Variants in KIF6 observed in about 807,000 individuals in gnomAD.
The protein encoded by KIF6 is kinesin-like protein KIF6.
Under a neutral mutation model 112.7 loss-of-function variants are expected in KIF6, and 106 were observed. That is an observed-to-expected ratio of 0.94 (90% CI 0.80 to 1.11). KIF6 has a LOEUF of 1.11. Ranked by LOEUF, KIF6 falls within the 50% of genes least tolerant of loss-of-function variation. The pLI, the probability that KIF6 is intolerant of heterozygous loss-of-function variation, is 0.00. For missense variants in KIF6, 929 were observed against 964.0 expected (o/e 0.96, Z 0.48); for synonymous variants, 339 against 339.9 (o/e 1.00, Z 0.03).
At chr6:39,616,781 G>A (rs1164362236) in intron 5 of KIF6, among the ~76,000 whole-genome samples, 4 of 152,144 alleles carry the variant, frequency 2.6e-5, no homozygotes, top group Admixed American at 6.5e-5. Context: ...TGGGCACTAC[G>A]TCTATTGCCT....
rs147221648 is a variant in KIF6, at chr6:39,515,599, C to T, written c.1645+24404G>A. On this transcript the variant is annotated intron_variant, in intron 13 of 22. Coordinates refer to ENST00000287152, the MANE Select transcript of KIF6 (RefSeq NM_145027.6). ...TCCTAATAGAAAAAGCCATCTCAAA[C>T]ACTTCTCTTATATAGTATGTCTGGT... 9.9e-4 allele frequency among the ~76,000 whole-genome samples: 151 copies of T among 152,316 alleles called. 1 individual carries two copies. The highest frequency in any genetic ancestry group is 1.1e-3 in the Non-Finnish European group (72 of 68,040).
intron 13 of KIF6, among the ~76,000 whole-genome samples, chr6:39,483,264 T>G (rs1490595518): frequency 6.6e-6 from 1 of 152,194 alleles, no homozygotes; most frequent in East Asian, 1.9e-4. Flanking sequence ...TATTTGTTAT[T>G]GCATAAGCTG....
intron 18 of KIF6, among the ~76,000 whole-genome samples, chr6:39,359,411 A>ATTTTGAT (rs1764956544): frequency 2.6e-5 from 4 of 152,228 alleles, no homozygotes; most frequent in Non-Finnish European, 4.4e-5. Flanking sequence ...TTTTGAGTAA[A>ATTTTGAT]AAACTAGAAA....
intron 10 of KIF6, among the ~76,000 whole-genome samples, chr6:39,577,193 C>T (rs370189413): frequency 7.2e-5 from 11 of 152,314 alleles, no homozygotes; most frequent in African/African-American, 2.2e-4. Context: ...GGAGTGAAAG[C>T]TTTGACTATA....
chr6:39,337,203 CTTTCTT>C (rs1763047455), intron 22 of KIF6, among the ~76,000 whole-genome samples: 1 of 93,406 alleles, frequency 1.1e-5, no homozygotes, highest in Non-Finnish European at 1.9e-5. Flanking sequence ...TTCTTTCTTT[CTTTCTT>C]TCTTTCTTTC....
At chr6:39,451,753 T>C (rs1174874403) in intron 13 of KIF6, among the ~76,000 whole-genome samples, 1 of 152,140 alleles carries the variant, frequency 6.6e-6, no homozygotes, top group Non-Finnish European at 1.5e-5. Flanking sequence ...GTGAAATGCA[T>C]GCAGGGCATT....
Position 39,462,972 on chromosome 6 carries a change from CTATTAAGAGTTCCTA to C in KIF6, c.1646-31826_1646-31812del, listed in dbSNP as rs749349076. ...AAACTAAAGCCCTTAGTGAGAAAATCTATTAAGAGTTCCTATATTAACACGTCAAATAGAATGTCT... is the reference window on the plus strand; with the variant it reads ...AAACTAAAGCCCTTAGTGAGAAAATCTATTAACACGTCAAATAGAATGTCT... On this transcript the variant is annotated intron_variant, in intron 13 of 22. Coordinates refer to ENST00000287152, the MANE Select transcript of KIF6 (RefSeq NM_145027.6). 7.9e-4 allele frequency among the ~76,000 whole-genome samples: 120 copies of C among 152,236 alleles called. 1 individual carries two copies. The highest frequency in any genetic ancestry group is 1.4e-3 in the Admixed American group (22 of 15,288).
At chr6:39,507,928 T>C in intron 13 of KIF6, among the ~76,000 whole-genome samples, 1 of 128,386 alleles carries the variant, frequency 7.8e-6, no homozygotes, top group African/African-American at 3.0e-5. Flanking sequence ...CCTCTTTCTT[T>C]CCTCCTACTC....
intron 13 of KIF6, among the ~76,000 whole-genome samples, chr6:39,513,332 G>C (rs189637900): frequency 6.6e-6 from 1 of 152,236 alleles, no homozygotes; most frequent in East Asian, 1.9e-4. Context: ...CATGCAAGTA[G>C]GAGGTAATGG....
At chr6:39,413,111 C>T (rs1183740700) in intron 15 of KIF6, among the ~76,000 whole-genome samples, 1 of 152,016 alleles carries the variant, frequency 6.6e-6, no homozygotes, top group Non-Finnish European at 1.5e-5. Context: ...TGAGTGGTCT[C>T]CCTCAGTCTT....
At chr6:39,706,785 G>C (rs75134021) in intron 3 of KIF6, among the ~76,000 whole-genome samples, 115 of 151,722 alleles carry the variant, frequency 7.6e-4, no homozygotes, top group African/African-American at 2.7e-3. Flanking sequence ...TGTAAACTTG[G>C]AAAAAAAACA....
chr6:39,567,781 G>T (rs1020116621), intron 10 of KIF6, among the ~76,000 whole-genome samples: 5 of 152,014 alleles, frequency 3.3e-5, no homozygotes, highest in Admixed American at 6.6e-5. Flanking sequence ...CTAATTTTTT[G>T]TATTTTTAGT....
Position 39,508,931 on chromosome 6 carries a change from C to A in KIF6, c.1645+31072G>T, listed in dbSNP as rs545111179. ...AAACAGACTGCCTCCTCAAGTGGGT[C>A]CCTGACCCCTGTGTAGCCTAACTGG... is the stretch of plus-strand genomic sequence containing the variant. On this transcript the variant is annotated intron_variant, in intron 13 of 22. Transcript: ENST00000287152. Among the ~76,000 whole-genome samples, 73 of 152,270 alleles carry A rather than the reference C, an allele frequency of 4.8e-4. 1 individual carries two copies. In the South Asian group the frequency reaches 0.015, roughly 32 times the overall value.
chr6:39,627,173 T>C (rs1784135215), intron 5 of KIF6, among the ~76,000 whole-genome samples: 1 of 152,160 alleles, frequency 6.6e-6, no homozygotes. Flanking sequence ...ACAAGCCCTA[T>C]GCTTCAACTT....
At chr6:39,338,075 GA>G (rs1280041196) in intron 22 of KIF6, among the ~76,000 whole-genome samples, 1 of 152,230 alleles carries the variant, frequency 6.6e-6, no homozygotes, top group Non-Finnish European at 1.5e-5. Context: ...GAACTGGTAA[GA>G]GTGATATGCA....
intron 3 of KIF6, among the ~76,000 whole-genome samples, chr6:39,657,109 T>G (rs1785839342): frequency 6.6e-6 from 1 of 151,966 alleles, no homozygotes; most frequent in Admixed American, 6.6e-5. Context: ...GGTGCGTGCC[T>G]GTAATCCCAG....
At chr6:39,622,113 G>T (rs2150737120) in intron 5 of KIF6, among the ~76,000 whole-genome samples, 1 of 151,024 alleles carries the variant, frequency 6.6e-6, no homozygotes, top group Middle Eastern at 3.4e-3. Flanking sequence ...GTTGCAGTGA[G>T]CCAAGATCAC....
At chr6:39,360,614 T>C in intron 17 of KIF6, 84 bp from the exon 18 acceptor site, 1 of 1,520,422 alleles carries the variant, frequency 6.6e-7, no homozygotes, top group South Asian at 1.2e-5. Context: ...ATGGGGCCCG[T>C]GCCTCAGAAT....
intron 19 of KIF6, among the ~76,000 whole-genome samples, chr6:39,347,949 A>G (rs1763937959): frequency 1.3e-5 from 2 of 152,210 alleles, no homozygotes; most frequent in South Asian, 4.1e-4. Flanking sequence ...GGTGCCCTTC[A>G]TGGTGGGAAA....
Sources: allele counts gnomAD v4.1 joint callset (sites outside exome capture counted in the v4.1 genomes callset), GRCh38; gene constraint gnomAD v4.1.1; transcripts MANE v1.5; gene names NCBI Gene and HGNC (gene_info 2026-07-23, HGNC 2026-07-21).